The following CACNA1E variants were observed in gnomAD, a reference collection of about 807,000 sequenced individuals.
CACNA1E encodes the protein calcium voltage-gated channel subunit alpha1 E, also known as voltage-dependent R-type calcium channel subunit alpha-1E.
Under a neutral mutation model 259.2 loss-of-function variants are expected in CACNA1E, and 40 were observed. The ratio of observed to expected loss-of-function variants is 0.15; its 90% confidence interval spans 0.12 to 0.20. The LOEUF is 0.20. CACNA1E is among the 10% of genes least tolerant of loss of function. The pLI is 1.00. For synonymous variants in CACNA1E, 1,104 were observed against 1,138.5 expected (o/e 0.97, Z 0.61); for missense variants, 1,874 against 3,040.1 (o/e 0.62, Z 9.02).
chr1:181,380,432 A>T (rs1055415819), intron 1 of CACNA1E, among the ~76,000 whole-genome samples: 6 of 152,218 alleles, frequency 3.9e-5, no homozygotes, highest in Non-Finnish European at 7.3e-5. Flanking sequence ...AATCAATTAC[A>T]TAGAAAACAG....
At chr1:181,605,908 G>A (rs1654190949) in intron 6 of CACNA1E, among the ~76,000 whole-genome samples, 1 of 152,080 alleles carries the variant, frequency 6.6e-6, no homozygotes, top group Non-Finnish European at 1.5e-5. Context: ...GGTAATTCGG[G>A]AATTTAAAAC....
intron 2 of CACNA1E, among the ~76,000 whole-genome samples, chr1:181,416,617 C>G (rs76608651): frequency 0.012 from 1,842 of 152,286 alleles, 19 homozygotes; most frequent in African/African-American, 0.042. Flanking sequence ...GAGCCTCCCC[C>G]CAGGAATGCG....
At chr1:181,480,874 C>T (rs182680341), upstream of CACNA1E, among the ~76,000 whole-genome samples, 1 of 152,176 alleles carries the variant, frequency 6.6e-6, no homozygotes, top group Admixed American at 6.5e-5. Context: ...GTGCCTAAAA[C>T]AGTGCCTGGC....
intron 1 of CACNA1E, among the ~76,000 whole-genome samples, chr1:181,321,952 T>C (rs1460880924): frequency 6.6e-6 from 1 of 152,226 alleles, no homozygotes; most frequent in African/African-American, 2.4e-5. Context: ...TGCTCTGTGC[T>C]CTGTAAATCT....
intron 6 of CACNA1E, among the ~76,000 whole-genome samples, chr1:181,594,155 A>G (rs902939375): frequency 4.0e-5 from 6 of 151,738 alleles, no homozygotes; most frequent in Non-Finnish European, 7.4e-5. Context: ...TATTTTATCT[A>G]TGTAATAGAT....
intron 7 of CACNA1E, among the ~76,000 whole-genome samples, chr1:181,709,681 G>T (rs1653142617): frequency 6.6e-6 from 1 of 152,162 alleles, no homozygotes; most frequent in Non-Finnish European, 1.5e-5. Context: ...AGGCTGGAGT[G>T]CAGTGGCATG....
chr1:181,665,086 C>G (rs1416996871), intron 7 of CACNA1E, among the ~76,000 whole-genome samples: 1 of 152,142 alleles, frequency 6.6e-6, no homozygotes, highest in Non-Finnish European at 1.5e-5. Flanking sequence ...CCTTGTAGCT[C>G]CTCAGCCATG....
rs899803601 is a variant in CACNA1E, at chr1:181,798,726, G to A, written c.6834G>A (p.Met2278Ile). The A allele has an allele frequency of 6.2e-7, 1 of 1,608,266 alleles. No individual in the cohort carries two copies. The highest frequency in any genetic ancestry group is 8.5e-7 in the Non-Finnish European group (1 of 1,176,408). Residue 2278 changes from methionine (M) to isoleucine (I), a missense_variant, in exon 48 of 48, where the codon ATG becomes ATA. Met to Ile is a conservative substitution (Grantham distance 10). Around this residue, in one of 14 missense-constraint regions of CACNA1E, gnomAD observed 542 missense variants for 587.2 expected, o/e 0.92. Coordinates refer to ENST00000367573, the MANE Select transcript of CACNA1E (RefSeq NM_001205293.3). The surrounding 1 kb of genome is among the most constrained non-coding windows in gnomAD (Gnocchi z 4.2). ...SAPPLRHSWQ[M>I]PNGHYRRRRR... ...CACCCCTGCGGCATAGCTGGCAGAT[G>A]CCCAACGGGCACTATCGGCGGCGGA... is the stretch of plus-strand genomic sequence containing the variant.
At chr1:181,601,090 A>G (rs988429622) in intron 6 of CACNA1E, among the ~76,000 whole-genome samples, 3 of 152,108 alleles carry the variant, frequency 2.0e-5, no homozygotes, top group Non-Finnish European at 4.4e-5. Context: ...CTACTTTGCC[A>G]TAGGGGATGA....
chr1:181,757,154 G>A (rs746682272), intron 30 of CACNA1E, 28 bp downstream of exon 30: 3 of 1,517,248 alleles, frequency 2.0e-6, no homozygotes, highest in Non-Finnish European at 2.7e-6. Context: ...AAAGTGGGGA[G>A]CAGCAGAGGC....
At chr1:181,486,064 G>A (rs1298347845) in intron 1 of CACNA1E, among the ~76,000 whole-genome samples, 1 of 152,242 alleles carries the variant, frequency 6.6e-6, no homozygotes, top group Non-Finnish European at 1.5e-5. Flanking sequence ...CTTTTTTCAC[G>A]TTTTCTCTTC....
chr1:181,571,823 T>C (rs1650442713), intron 3 of CACNA1E, among the ~76,000 whole-genome samples: 1 of 152,182 alleles, frequency 6.6e-6, no homozygotes, highest in African/African-American at 2.4e-5. Flanking sequence ...GATCTCTGGC[T>C]TGTGTCTCCT....
chr1:181,342,275 G>A (rs559614193), intron 1 of CACNA1E, among the ~76,000 whole-genome samples: 14 of 152,234 alleles, frequency 9.2e-5, no homozygotes, highest in East Asian at 1.9e-4. Context: ...AGGAAGCATA[G>A]CCTTATAAAG....
chr1:181,615,252 G>A lies in CACNA1E; in HGVS notation c.951+34476G>A, dbSNP rs189898100. Among the ~76,000 whole-genome samples the A allele has an allele frequency of 1.5e-3, 222 of 152,240 alleles. 2 individuals are homozygous for A. The highest frequency in any genetic ancestry group is 5.2e-3 in the African/African-American group (216 of 41,536). ...GTCACCCAGGCTGGAGTGCAGTGGT[G>A]CGATCTCGGCTCACTGCAACCTCTG... On this transcript the variant is annotated intron_variant, in intron 6 of 47. Transcript: ENST00000367573.
At chr1:181,399,838 T>C (rs1012256488) in intron 1 of CACNA1E, among the ~76,000 whole-genome samples, 3 of 152,260 alleles carry the variant, frequency 2.0e-5, no homozygotes, top group African/African-American at 7.2e-5. Flanking sequence ...ACTGTTAAAA[T>C]AGTAAAAATA....
chr1:181,599,345 T>C (rs981484142), intron 6 of CACNA1E, among the ~76,000 whole-genome samples: 1 of 152,222 alleles, frequency 6.6e-6, no homozygotes, highest in African/African-American at 2.4e-5. Flanking sequence ...TGTACCACAT[T>C]TGCTTTATCC....
intron 7 of CACNA1E, among the ~76,000 whole-genome samples, chr1:181,659,196 T>C (rs1647345368): frequency 6.6e-6 from 1 of 151,860 alleles, no homozygotes; most frequent in Admixed American, 6.6e-5. Context: ...AGAGAGTCCA[T>C]GTGAGAGGGG....
chr1:181,681,218 T>A (rs1649936948), intron 7 of CACNA1E, among the ~76,000 whole-genome samples: 1 of 152,254 alleles, frequency 6.6e-6, no homozygotes, highest in Non-Finnish European at 1.5e-5. Flanking sequence ...CTAAGCCTTC[T>A]GTGTCCTTGT....
intron 3 of CACNA1E, among the ~76,000 whole-genome samples, chr1:181,517,395 T>C (rs1273786927): frequency 6.6e-6 from 1 of 152,078 alleles, no homozygotes; most frequent in Non-Finnish European, 1.5e-5. Context: ...GAGTAGTCTG[T>C]ACTTTAACCA....
Sources: allele counts gnomAD v4.1 joint callset (sites outside exome capture counted in the v4.1 genomes callset), GRCh38; gene constraint gnomAD v4.1.1; regional missense constraint gnomAD v4.1.1; non-coding constraint Gnocchi (gnomAD v3.1); transcripts MANE v1.5; gene names NCBI Gene and HGNC (gene_info 2026-07-23, HGNC 2026-07-21).